The following NCAM1 variants were observed in gnomAD, a reference collection of about 807,000 sequenced individuals.
The protein encoded by NCAM1 is neural cell adhesion molecule 1, also known as antigen recognized by monoclonal antibody 5.1H11.
Under a neutral mutation model 109.8 loss-of-function variants are expected in NCAM1, and 14 were observed. The ratio of observed to expected loss-of-function variants is 0.13; its 90% confidence interval spans 0.08 to 0.20. NCAM1 has a LOEUF of 0.20. NCAM1 is among the 10% of genes least tolerant of loss of function. NCAM1 has a pLI of 1.00. For synonymous variants in NCAM1, 418 were observed against 442.9 expected (o/e 0.94, Z 0.70); for missense variants, 774 against 1,109.9 (o/e 0.70, Z 4.30).
chr11:113,198,972 G>C (rs1368942875), intron 1 of NCAM1, among the ~76,000 whole-genome samples: 2 of 152,206 alleles, frequency 1.3e-5, no homozygotes, highest in Non-Finnish European at 2.9e-5. Context: ...TGGAAAGTGT[G>C]AACTGTCCAC....
intron 1 of NCAM1, among the ~76,000 whole-genome samples, chr11:113,190,839 G>A (rs1555109735): frequency 6.6e-6 from 1 of 152,162 alleles, no homozygotes; most frequent in African/African-American, 2.4e-5. Flanking sequence ...TCCAGTAGAA[G>A]AGTGTGACCT....
intron 1 of NCAM1, among the ~76,000 whole-genome samples, chr11:113,140,491 G>C (rs557853838): frequency 6.6e-6 from 1 of 152,282 alleles, no homozygotes; most frequent in South Asian, 2.1e-4. Flanking sequence ...GTTAGCTGCT[G>C]CACATAGTTA....
chr11:113,262,826 C>T lies in NCAM1; in HGVS notation c.2131+2503C>T. The T allele has an allele frequency of 2.5e-6, 4 of 1,613,186 alleles. No individual in the cohort carries two copies. In the South Asian group the frequency reaches 3.3e-5, roughly 13 times the overall value. On this transcript the variant is annotated intron_variant, in intron 17 of 19. Coordinates refer to ENST00000316851, the MANE Select transcript of NCAM1 (RefSeq NM_181351.5). Reference sequence around the variant, plus strand: ...AAACAACCACATTATCTCTGGGGACCCATTGCTTGACACCTGCAGCAACCT... The same window carrying T: ...AAACAACCACATTATCTCTGGGGACTCATTGCTTGACACCTGCAGCAACCT...
chr11:113,144,936 A>G (rs369261758), intron 1 of NCAM1, among the ~76,000 whole-genome samples: 35 of 152,342 alleles, frequency 2.3e-4, no homozygotes, highest in Middle Eastern at 3.4e-3. Context: ...ACCAATCTGC[A>G]TGACCAGGAA....
intron 1 of NCAM1, among the ~76,000 whole-genome samples, chr11:112,976,027 G>A (rs1555067636): frequency 6.6e-6 from 1 of 151,810 alleles, no homozygotes; most frequent in African/African-American, 2.4e-5. Context: ...GTCACTGGGA[G>A]GTAAATCAAT....
intron 1 of NCAM1, among the ~76,000 whole-genome samples, chr11:113,183,836 G>T (rs544533037): frequency 1.5e-5 from 2 of 137,322 alleles, no homozygotes; most frequent in East Asian, 2.2e-4. Flanking sequence ...GTGAGCTGGG[G>T]TATGACACTT....
intron 1 of NCAM1, among the ~76,000 whole-genome samples, chr11:113,061,858 G>T (rs2135490127): frequency 6.6e-6 from 1 of 152,246 alleles, no homozygotes; most frequent in South Asian, 2.1e-4. Flanking sequence ...GGAACCTGGG[G>T]TTCCATATTT....
intron 1 of NCAM1, among the ~76,000 whole-genome samples, chr11:113,012,015 T>C (rs67711532): frequency 0.012 from 1,176 of 97,554 alleles, 27 homozygotes; most frequent in African/African-American, 0.013. Flanking sequence ...TTCCTTCCTT[T>C]CTTTCCTCTT....
chr11:113,183,016 G>C (rs1172287522), intron 1 of NCAM1, among the ~76,000 whole-genome samples: 1 of 152,220 alleles, frequency 6.6e-6, no homozygotes, highest in Non-Finnish European at 1.5e-5. Context: ...TTGGGCCCCA[G>C]TTGTTTGACT....
intron 1 of NCAM1, among the ~76,000 whole-genome samples, chr11:113,111,312 G>A (rs368776838): frequency 6.6e-6 from 1 of 152,022 alleles, no homozygotes; most frequent in East Asian, 1.9e-4. Context: ...AAGTAATTAT[G>A]TTTGTAGTAA....
intron 1 of NCAM1, among the ~76,000 whole-genome samples, chr11:113,001,819 G>A (rs2134992627): frequency 6.6e-6 from 1 of 152,206 alleles, no homozygotes; most frequent in South Asian, 2.1e-4. Context: ...AAAAACTCCA[G>A]TGGTGAGGTG....
At chr11:113,153,479 T>A (rs1358026076) in intron 1 of NCAM1, among the ~76,000 whole-genome samples, 2 of 151,218 alleles carry the variant, frequency 1.3e-5, no homozygotes, top group Non-Finnish European at 3.0e-5. Context: ...AGAGAGAGTG[T>A]GTGTGTGTGT....
chr11:113,010,464 C>T (rs1375522181), intron 1 of NCAM1, among the ~76,000 whole-genome samples: 3 of 152,148 alleles, frequency 2.0e-5, no homozygotes, highest in Non-Finnish European at 4.4e-5. Flanking sequence ...CTTTTCAATA[C>T]AATAGCTGAT....
chr11:113,052,903 A>G (rs555171281), intron 1 of NCAM1, among the ~76,000 whole-genome samples: 14 of 151,862 alleles, frequency 9.2e-5, no homozygotes, highest in Non-Finnish European at 1.8e-4. Flanking sequence ...CCCTGTGTCC[A>G]TACTCTTTGG....
intron 1 of NCAM1, among the ~76,000 whole-genome samples, chr11:112,982,763 G>GA (rs1951187244): frequency 6.6e-6 from 1 of 151,772 alleles, no homozygotes; most frequent in African/African-American, 2.4e-5. Context: ...TGAGGAAGGG[G>GA]AAAATAGGGA....
chr11:113,235,365 A>G, intron 14 of NCAM1: 1 of 1,174,060 alleles, frequency 8.5e-7, no homozygotes, highest in Non-Finnish European at 1.3e-6. Context: ...CTCTTTCTCC[A>G]AGGGGTTGGG....
intron 1 of NCAM1, among the ~76,000 whole-genome samples, chr11:113,056,068 T>C (rs1953703640): frequency 7.4e-6 from 1 of 135,164 alleles, no homozygotes; most frequent in Non-Finnish European, 1.6e-5. Flanking sequence ...GAAATACTAT[T>C]CATCTAGAAA....
chr11:112,999,866 C>G (rs1054580005), intron 1 of NCAM1, among the ~76,000 whole-genome samples: 2 of 152,174 alleles, frequency 1.3e-5, no homozygotes, highest in Admixed American at 1.3e-4. Flanking sequence ...TCATTGCTCA[C>G]TGTGAGAAGT....
intron 1 of NCAM1, among the ~76,000 whole-genome samples, chr11:113,007,981 A>C (rs536968648): frequency 1.3e-5 from 2 of 152,338 alleles, no homozygotes; most frequent in African/African-American, 4.8e-5. Context: ...TAACTTCCAT[A>C]ATAGGTGGAA....
Sources: allele counts gnomAD v4.1 joint callset (sites outside exome capture counted in the v4.1 genomes callset), GRCh38; gene constraint gnomAD v4.1.1; transcripts MANE v1.5; gene names NCBI Gene and HGNC (gene_info 2026-07-23, HGNC 2026-07-21).